Variants in BMPR1B observed in about 807,000 individuals in gnomAD.
BMPR1B encodes the protein bone morphogenetic protein receptor type 1B, also known as bone morphogenetic protein receptor type-1B.
A neutral mutation model predicts 59.1 loss-of-function variants in BMPR1B; 12 were observed. The observed-to-expected ratio is 0.20, with a 90% CI of 0.13 to 0.33. BMPR1B has a LOEUF of 0.33. BMPR1B is among the 10% of genes least tolerant of loss of function. The pLI is 1.00. For missense variants in BMPR1B, 550 were observed against 610.9 expected (o/e 0.90, Z 1.05); for synonymous variants, 237 against 207.3 (o/e 1.14, Z -1.23).
At chr4:95,101,792 G>A (rs1388063131) in intron 3 of BMPR1B, among the ~76,000 whole-genome samples, 1 of 152,140 alleles carries the variant, frequency 6.6e-6, no homozygotes, top group East Asian at 1.9e-4. Flanking sequence ...TGTGGCATAT[G>A]AGAAGATTGT....
intron 2 of BMPR1B, among the ~76,000 whole-genome samples, chr4:94,928,491 A>G (rs1728973888): frequency 6.6e-6 from 1 of 151,866 alleles, no homozygotes; most frequent in Admixed American, 6.6e-5. Flanking sequence ...TTGAAATCTC[A>G]TTCTAATTTC....
At position 95,114,758 on chromosome 4, in the gene BMPR1B, ACT is replaced by A; in HGVS notation, c.185_186del (p.Ser62TrpfsTer32). On this transcript the variant is annotated frameshift_variant, in exon 5 of 13. Transcript: ENST00000515059. LOFTEE classifies it high-confidence loss of function. ...TGTTTCACGATGATAGAAGAGGATG[ACT>A]CTGGGTTGCCTGTGGTCACTTCTGG... 1 of 1,613,696 alleles carries A rather than the reference ACT, an allele frequency of 6.2e-7. No individual in the cohort carries two copies. Among genetic ancestry groups the A allele is most frequent in the Non-Finnish European group, 8.5e-7 (1 of 1,179,838 alleles).
intron 2 of BMPR1B, among the ~76,000 whole-genome samples, chr4:94,963,234 C>T (rs1009266675): frequency 1.3e-5 from 2 of 152,032 alleles, no homozygotes; most frequent in Non-Finnish European, 2.9e-5. Flanking sequence ...CTTGTATCTT[C>T]TGGTTATTAA....
At chr4:95,020,191 A>G (rs1389315821) in intron 3 of BMPR1B, among the ~76,000 whole-genome samples, 1 of 152,102 alleles carries the variant, frequency 6.6e-6, no homozygotes, top group Non-Finnish European at 1.5e-5. Context: ...GACATTTTTT[A>G]TTTTTACTGC....
At chr4:95,000,991 A>T (rs17022815) in intron 3 of BMPR1B, among the ~76,000 whole-genome samples, 1 of 152,152 alleles carries the variant, frequency 6.6e-6, no homozygotes, top group Non-Finnish European at 1.5e-5. Flanking sequence ...CATTTTATCA[A>T]TGGGCAGTTG....
chr4:94,836,597 A>T (rs1158368610), intron 1 of BMPR1B, among the ~76,000 whole-genome samples: 1 of 145,318 alleles, frequency 6.9e-6, no homozygotes, highest in African/African-American at 2.6e-5. Flanking sequence ...CCACTTTTTG[A>T]TGGGATTGTT....
At chr4:95,010,047 T>G (rs942725247) in intron 3 of BMPR1B, among the ~76,000 whole-genome samples, 1 of 152,180 alleles carries the variant, frequency 6.6e-6, no homozygotes, top group South Asian at 2.1e-4. Context: ...CCAAACAGAT[T>G]TGGGGGACAC....
chr4:94,936,605 T>G (rs1483198564), intron 2 of BMPR1B, among the ~76,000 whole-genome samples: 1 of 152,194 alleles, frequency 6.6e-6, no homozygotes, highest in East Asian at 1.9e-4. Flanking sequence ...ATAAAGAGTT[T>G]CCAGTGTAGG....
intron 1 of BMPR1B, among the ~76,000 whole-genome samples, chr4:94,843,008 T>A (rs1416252845): frequency 6.6e-6 from 1 of 152,172 alleles, no homozygotes; most frequent in Non-Finnish European, 1.5e-5. Flanking sequence ...AAACTCTTAG[T>A]TATTTTCAAG....
chr4:94,990,713 CTTTAAG>C (rs1242781036), intron 2 of BMPR1B, among the ~76,000 whole-genome samples: 1 of 151,754 alleles, frequency 6.6e-6, no homozygotes. Context: ...GTTTTTTATA[CTTTAAG>C]TTTTAGGGTA....
intron 1 of BMPR1B, among the ~76,000 whole-genome samples, chr4:94,782,881 G>C (rs376361775): frequency 6.6e-6 from 1 of 151,752 alleles, no homozygotes; most frequent in Middle Eastern, 3.2e-3. Context: ...GTAATTTTCT[G>C]TTGAGAACTG....
At chr4:95,079,733 T>G (rs1728977470) in intron 3 of BMPR1B, among the ~76,000 whole-genome samples, 1 of 149,588 alleles carries the variant, frequency 6.7e-6, no homozygotes, top group South Asian at 2.1e-4. Context: ...TCTTCAGTGT[T>G]CAGGTGTGAA....
intron 2 of BMPR1B, among the ~76,000 whole-genome samples, chr4:94,945,658 A>G (rs912026348): frequency 3.9e-5 from 6 of 152,106 alleles, no homozygotes; most frequent in Non-Finnish European, 7.4e-5. Context: ...TGGTCTCAAA[A>G]TCCTAGGCTC....
chr4:94,841,380 T>A (rs1725065630), intron 1 of BMPR1B, among the ~76,000 whole-genome samples: 1 of 150,698 alleles, frequency 6.6e-6, no homozygotes, highest in Non-Finnish European at 1.5e-5. Context: ...GCCTTGCAGT[T>A]TGATCTCAGA....
intron 1 of BMPR1B, among the ~76,000 whole-genome samples, chr4:94,847,566 G>T (rs1475013155): frequency 6.6e-6 from 1 of 151,994 alleles, no homozygotes; most frequent in African/African-American, 2.4e-5. Flanking sequence ...AATGGATAAG[G>T]AAAATATGGT....
At chr4:95,051,886 T>C (rs1294188767) in intron 3 of BMPR1B, 4 of 1,025,544 alleles carry the variant, frequency 3.9e-6, no homozygotes, top group Admixed American at 2.4e-5. Flanking sequence ...GTCTATAAAG[T>C]TCCATCCCCC....
intron 1 of BMPR1B, among the ~76,000 whole-genome samples, chr4:94,842,949 A>C (rs896382484): frequency 6.6e-6 from 1 of 151,854 alleles, no homozygotes; most frequent in African/African-American, 2.4e-5. Context: ...GTTTTGTTGA[A>C]ATTGAATTAG....
At chr4:95,119,174 G>A (rs1442084857) in intron 6 of BMPR1B, among the ~76,000 whole-genome samples, 1 of 152,094 alleles carries the variant, frequency 6.6e-6, no homozygotes, top group Non-Finnish European at 1.5e-5. Context: ...TCTAGTTTTG[G>A]TTGAGTATCT....
At chr4:95,034,841 T>C (rs2149162702) in intron 3 of BMPR1B, among the ~76,000 whole-genome samples, 1 of 152,240 alleles carries the variant, frequency 6.6e-6, no homozygotes, top group East Asian at 1.9e-4. Flanking sequence ...TTTAGTTCTA[T>C]AAGGAATTTC....
Sources: allele counts gnomAD v4.1 joint callset (sites outside exome capture counted in the v4.1 genomes callset), GRCh38; gene constraint gnomAD v4.1.1; transcripts MANE v1.5; gene names NCBI Gene and HGNC (gene_info 2026-07-23, HGNC 2026-07-21).